The following BACH2 variants were observed in gnomAD, a reference collection of about 807,000 sequenced individuals.
BACH2 encodes the protein BACH transcriptional regulator 2.
In BACH2, 5 loss-of-function variants were observed where a neutral mutation model predicts 61.8. The ratio of observed to expected loss-of-function variants is 0.08; its 90% CI spans 0.04 to 0.17. The LOEUF is 0.17. Ranked by LOEUF, BACH2 falls within the 10% of genes least tolerant of loss-of-function variation. The pLI, the probability that BACH2 is intolerant of heterozygous loss-of-function variation, is 1.00. For missense variants in BACH2, 824 were observed against 1,091.1 expected, an observed-to-expected ratio of 0.76 and a Z score of 3.45; for synonymous variants, 446 against 440.1, an observed-to-expected ratio of 1.01 and a Z score of -0.17.
intron 6 of BACH2, among the ~76,000 whole-genome samples, chr6:90,007,107 C>T (rs1399037732): frequency 1.3e-5 from 2 of 151,938 alleles, no homozygotes; most frequent in Non-Finnish European, 2.9e-5. Context: ...CAGGGTCTCG[C>T]CCTGTCACCC....
intron 1 of BACH2, among the ~76,000 whole-genome samples, chr6:90,296,157 T>C (rs563425158): frequency 6.6e-6 from 1 of 151,894 alleles, no homozygotes; most frequent in African/African-American, 2.4e-5. Context: ...TACTCTCTGC[T>C]CCTCCTCCCT....
At chr6:89,957,404 T>C (rs1310904290) in intron 6 of BACH2, among the ~76,000 whole-genome samples, 1 of 152,226 alleles carries the variant, frequency 6.6e-6, no homozygotes, top group Non-Finnish European at 1.5e-5. Flanking sequence ...TTTTATTTTA[T>C]CTATTTTTAC....
At chr6:90,123,241 T>G (rs1241802584) in intron 4 of BACH2, among the ~76,000 whole-genome samples, 1 of 152,070 alleles carries the variant, frequency 6.6e-6, no homozygotes, top group Non-Finnish European at 1.5e-5. Flanking sequence ...AGGCAGAGAT[T>G]GGAGTCATTT....
At chr6:90,029,785 G>C (rs1778857511) in intron 5 of BACH2, among the ~76,000 whole-genome samples, 2 of 152,154 alleles carry the variant, frequency 1.3e-5, no homozygotes, top group African/African-American at 4.8e-5. Flanking sequence ...AGAGCTGCTT[G>C]TCTTTTCTGG....
chr6:89,980,885 T>C (rs977544583), intron 6 of BACH2, among the ~76,000 whole-genome samples: 1 of 147,740 alleles, frequency 6.8e-6, no homozygotes, highest in South Asian at 2.2e-4. Context: ...ATTGACTGTG[T>C]ATGGTGTTAA....
At chr6:90,215,448 T>G (rs1381118835) in intron 3 of BACH2, among the ~76,000 whole-genome samples, 1 of 152,194 alleles carries the variant, frequency 6.6e-6, no homozygotes, top group Non-Finnish European at 1.5e-5. Flanking sequence ...CTAAGGCCAG[T>G]GGCATCAATG....
intron 6 of BACH2, among the ~76,000 whole-genome samples, chr6:89,992,728 T>C (rs1776646174): frequency 6.6e-6 from 1 of 152,230 alleles, no homozygotes; most frequent in East Asian, 1.9e-4. Flanking sequence ...TTTTCTTTCT[T>C]ATGGCTACAC....
At chr6:90,092,291 AAT>A (rs1167228249) in intron 4 of BACH2, among the ~76,000 whole-genome samples, 2,938 of 113,792 alleles carry the variant, frequency 0.026, 156 homozygotes, top group African/African-American at 0.095. Context: ...AAAAAAAAAA[AAT>A]ATATATATAT....
intron 5 of BACH2, among the ~76,000 whole-genome samples, chr6:90,068,213 T>C (rs1781054815): frequency 6.6e-6 from 1 of 152,196 alleles, no homozygotes; most frequent in African/African-American, 2.4e-5. Flanking sequence ...TAAAAAATTG[T>C]GGTATTGATT....
At chr6:89,970,560 T>G (rs890808817) in intron 6 of BACH2, among the ~76,000 whole-genome samples, 1 of 152,208 alleles carries the variant, frequency 6.6e-6, no homozygotes, top group African/African-American at 2.4e-5. Flanking sequence ...ATTATAATGT[T>G]TGTGTGTATG....
rs931451739 is a variant in BACH2, at chr6:90,292,807, T to G, written c.-446+3673A>C. On this transcript the variant is annotated intron_variant, in intron 1 of 8. Transcript: ENST00000257749. Reference sequence around the variant, plus strand: ...CTTACATATGCTTTCATCCAAAAATTTTTTAAAGATTTGAGCCAATATTTA... The same window carrying G: ...CTTACATATGCTTTCATCCAAAAATGTTTTAAAGATTTGAGCCAATATTTA... Among the ~76,000 whole-genome samples the G allele has an allele frequency of 3.3e-5, 5 of 152,326 alleles. No homozygotes were observed. In the East Asian group the frequency reaches 7.7e-4, roughly 23 times the overall value.
At chr6:90,003,254 C>G (rs1399714112) in intron 6 of BACH2, among the ~76,000 whole-genome samples, 1 of 152,208 alleles carries the variant, frequency 6.6e-6, no homozygotes, top group African/African-American at 2.4e-5. Context: ...TTGGCTCACT[C>G]TGCTCCTGGG....
intron 4 of BACH2, among the ~76,000 whole-genome samples, chr6:90,166,765 TG>T (rs1428814739): frequency 5.7e-4 from 86 of 152,170 alleles, no homozygotes; most frequent in African/African-American, 2.0e-3. Context: ...GGGACATGGA[TG>T]GAAGCTGGAA....
At chr6:89,996,708 T>C (rs1776866421) in intron 6 of BACH2, among the ~76,000 whole-genome samples, 1 of 152,128 alleles carries the variant, frequency 6.6e-6, no homozygotes, top group Non-Finnish European at 1.5e-5. Flanking sequence ...ATGAAAGAGA[T>C]GGAAGAAAAA....
intron 4 of BACH2, among the ~76,000 whole-genome samples, chr6:90,103,051 T>TTTTTTTTTTTA (rs1554246299): frequency 7.7e-6 from 1 of 130,650 alleles, no homozygotes; most frequent in African/African-American, 3.1e-5. Flanking sequence ...TTTTTTTTTT[T>TTTTTTTTTTTA]ACCAGACTAT....
chr6:90,109,040 G>A (rs761013849), intron 4 of BACH2, among the ~76,000 whole-genome samples: 6 of 152,112 alleles, frequency 3.9e-5, no homozygotes, highest in Non-Finnish European at 8.8e-5. Context: ...CCTTCTTGAT[G>A]CCATCGCTTC....
In BACH2 at chr6:90,248,918, A is replaced by G. The variant is rs969970497; in HGVS notation, c.-275+3595T>C. On this transcript the variant is annotated intron_variant, in intron 3 of 8. Coordinates refer to ENST00000257749, the MANE Select transcript of BACH2 (RefSeq NM_021813.4). ...GGTCTTTTATTTGGTTTCAAATCCA[A>G]ATAAAAACCTATGTAGGTATAGAAT... is the stretch of plus-strand genomic sequence containing the variant. Among the ~76,000 whole-genome samples the G allele has an allele frequency of 5.3e-5, 8 of 152,378 alleles. No homozygotes were observed. The East Asian group carries it at 7.7e-4, about 15-fold the overall frequency.
intron 4 of BACH2, among the ~76,000 whole-genome samples, chr6:90,134,655 C>T (rs1329445232): frequency 6.6e-6 from 1 of 152,222 alleles, no homozygotes; most frequent in African/African-American, 2.4e-5. Context: ...GAATGGCAGC[C>T]TCCAGAGTGA....
intron 5 of BACH2, among the ~76,000 whole-genome samples, chr6:90,031,220 A>G (rs767770027): frequency 0.038 from 5,713 of 152,128 alleles, 162 homozygotes; most frequent in Non-Finnish European, 0.055. Flanking sequence ...AATAAGAGCT[A>G]TCTATGACAA....
Sources: allele counts gnomAD v4.1 joint callset (sites outside exome capture counted in the v4.1 genomes callset), GRCh38; gene constraint gnomAD v4.1.1; transcripts MANE v1.5; gene names NCBI Gene and HGNC (gene_info 2026-07-23, HGNC 2026-07-21).